The following FGF14 variants were observed in gnomAD, a reference collection of about 807,000 sequenced individuals.
FGF14 encodes fibroblast growth factor 14, also known as fibroblast growth factor homologous factor 4.
In FGF14, 5 loss-of-function variants were observed where a neutral mutation model predicts 25.5. The ratio of observed to expected loss-of-function variants is 0.20; its 90% confidence interval spans 0.10 to 0.41. The LOEUF is 0.41. Among genes scored for constraint, FGF14 ranks in the 10% least tolerant of loss-of-function variants. FGF14 has a pLI of 1.00. For synonymous variants in FGF14, 138 were observed against 118.3 expected (o/e 1.17, Z -1.08); for missense variants, 222 against 320.1 (o/e 0.69, Z 2.34).
intron 1 of FGF14, among the ~76,000 whole-genome samples, chr13:102,046,367 G>C (rs1212811801): frequency 3.9e-5 from 6 of 152,010 alleles, no homozygotes; most frequent in Admixed American, 3.9e-4. Flanking sequence ...CTTATTGTCA[G>C]AAAATATTTT....
chr13:102,030,531 G>A (rs934132871), intron 1 of FGF14, among the ~76,000 whole-genome samples: 1 of 152,062 alleles, frequency 6.6e-6, no homozygotes, highest in African/African-American at 2.4e-5. Flanking sequence ...ACATTCGGGG[G>A]AAAGATTTGC....
At chr13:101,948,642 TGCTTCCCAATACATAA>T (rs1011584139) in intron 1 of FGF14, among the ~76,000 whole-genome samples, 5 of 151,852 alleles carry the variant, frequency 3.3e-5, no homozygotes, top group South Asian at 2.1e-4. Context: ...CAATACATAA[TGCTTCCCAATACATAA>T]GCTTCCCAAT....
At chr13:102,387,801 G>A (rs974510748) in intron 1 of FGF14, among the ~76,000 whole-genome samples, 10 of 151,772 alleles carry the variant, frequency 6.6e-5, no homozygotes, top group African/African-American at 9.7e-5. Context: ...GCACAATCTC[G>A]GCTCACTGCA....
intron 3 of FGF14, among the ~76,000 whole-genome samples, chr13:101,848,780 T>C (rs1029860533): frequency 1.3e-5 from 2 of 152,032 alleles, no homozygotes; most frequent in Admixed American, 6.6e-5. Context: ...TGACCCTTGA[T>C]GAAGGGTATA....
intron 3 of FGF14, among the ~76,000 whole-genome samples, chr13:101,748,747 TAAAA>T (rs55785965): frequency 2.4e-4 from 17 of 70,720 alleles, no homozygotes; most frequent in South Asian, 6.3e-4. Context: ...TGGAGGTTTC[TAAAA>T]AAAAAAAAAA....
chr13:102,377,855 T>C (rs1223017610), intron 1 of FGF14, among the ~76,000 whole-genome samples: 2 of 152,172 alleles, frequency 1.3e-5, no homozygotes, highest in African/African-American at 2.4e-5. Context: ...CAATTTTCTT[T>C]ACAATTCAAG....
At chr13:101,955,301 A>C (rs1455118612) in intron 1 of FGF14, among the ~76,000 whole-genome samples, 1 of 152,222 alleles carries the variant, frequency 6.6e-6, no homozygotes. Flanking sequence ...TCTACACTGC[A>C]ATTGGGTTTA....
At chr13:101,725,415 GCTAA>G (rs984699938) in intron 4 of FGF14, among the ~76,000 whole-genome samples, 5 of 151,936 alleles carry the variant, frequency 3.3e-5, no homozygotes, top group African/African-American at 4.8e-5. Flanking sequence ...GGCCCTGGTA[GCTAA>G]CTGTTTGGGT....
intron 3 of FGF14, among the ~76,000 whole-genome samples, chr13:101,788,290 C>A (rs66700836): frequency 0.038 from 5,833 of 152,208 alleles, 179 homozygotes; most frequent in African/African-American, 0.067. Context: ...CACCCAGCTA[C>A]TTTGAGATTG....
rs1375660743 is a variant in FGF14 at position 102,400,671 on chromosome 13, G to A, written c.208+800C>T. On this transcript the variant is annotated intron_variant, in intron 1 of 4. Transcript: ENST00000376131. This position sits in a 1 kb window ranked among gnomAD's most constrained non-coding sequence, Gnocchi z 4.3. ...CCTTGTTGGAGCCCTTTGGAATCGG[G>A]GCGCATGATCACCAGTAGGCTTAAA... Among the ~76,000 whole-genome samples, 2 of 152,218 alleles carry A rather than the reference G, an allele frequency of 1.3e-5. No homozygotes were observed. Among genetic ancestry groups the A allele is most frequent in the Non-Finnish European group, 2.9e-5 (2 of 68,046 alleles).
chr13:101,768,570 C>A (rs1055837586), intron 3 of FGF14, among the ~76,000 whole-genome samples: 3 of 152,058 alleles, frequency 2.0e-5, no homozygotes, highest in Admixed American at 6.6e-5. Context: ...TCAAGACTCA[C>A]TATACAGTTA....
chr13:101,925,003 C>T lies in FGF14; in HGVS notation c.209-49707G>A, dbSNP rs555792729. Among the ~76,000 whole-genome samples, 2 of 152,180 alleles carry T rather than the reference C, an allele frequency of 1.3e-5. 1 individual carries two copies. The highest frequency in any genetic ancestry group is 4.1e-4 in the South Asian group (2 of 4,820). On this transcript the variant is annotated intron_variant, in intron 1 of 4. Coordinates refer to the FGF14 transcript ENST00000376131. ...GGTGTGCATGTGCATGTTGATAACA[C>T]CAGGGTTCACAATTTTTATTCAACT...
At chr13:102,281,054 C>G (rs898979555) in intron 1 of FGF14, among the ~76,000 whole-genome samples, 5 of 152,166 alleles carry the variant, frequency 3.3e-5, no homozygotes, top group Admixed American at 3.3e-4. Context: ...TCTGCTATTA[C>G]TTTCTTTTAT....
chr13:102,041,122 T>A (rs2041712085), intron 1 of FGF14, among the ~76,000 whole-genome samples: 1 of 152,062 alleles, frequency 6.6e-6, no homozygotes, highest in African/African-American at 2.4e-5. Context: ...ATGTTGTACC[T>A]ATTTGCCAAT....
At chr13:101,950,379 A>G (rs528687072) in intron 1 of FGF14, among the ~76,000 whole-genome samples, 10 of 152,332 alleles carry the variant, frequency 6.6e-5, no homozygotes, top group African/African-American at 2.4e-4. Flanking sequence ...CAGGACCTCC[A>G]TGGACAGCTA....
intron 1 of FGF14, among the ~76,000 whole-genome samples, chr13:101,949,977 G>C (rs917662084): frequency 6.6e-6 from 1 of 151,920 alleles, no homozygotes; most frequent in African/African-American, 2.4e-5. Flanking sequence ...TGGTAGGAGA[G>C]GTGATGAGGC....
chr13:102,086,782 T>G (rs1041917487), intron 1 of FGF14, among the ~76,000 whole-genome samples: 1 of 152,256 alleles, frequency 6.6e-6, no homozygotes, highest in Admixed American at 6.5e-5. Flanking sequence ...TTCATTTTTC[T>G]TAATGTGTGA....
intron 3 of FGF14, among the ~76,000 whole-genome samples, chr13:101,754,035 G>A (rs915870959): frequency 6.6e-6 from 1 of 152,116 alleles, no homozygotes; most frequent in Non-Finnish European, 1.5e-5. Flanking sequence ...GTATGCCCGC[G>A]TGCCTGGAAT....
At chr13:101,803,541 G>T (rs971078881) in intron 3 of FGF14, among the ~76,000 whole-genome samples, 1 of 149,830 alleles carries the variant, frequency 6.7e-6, no homozygotes, top group Non-Finnish European at 1.5e-5. Flanking sequence ...TGGCAATATT[G>T]TTTTTTTGTA....
Sources: gnomAD v4.1 joint callset for allele counts (sites outside exome capture counted in the v4.1 genomes callset) on GRCh38, gnomAD v4.1.1 for gene constraint, Gnocchi (gnomAD v3.1) non-coding constraint, MANE v1.5 for transcripts, NCBI Gene and HGNC (gene_info 2026-07-23, HGNC 2026-07-21) for gene names.